Variants in MARCHF1 observed in about 807,000 individuals in gnomAD.
The protein encoded by MARCHF1 is E3 ubiquitin-protein ligase MARCHF1.
MARCHF1 carries 40 observed loss-of-function variants against 54.2 expected under a neutral mutation model. That is an observed-to-expected ratio of 0.74 (90% CI 0.57 to 0.96). The LOEUF is 0.96. MARCHF1 is among the 40% of genes least tolerant of loss of function. The probability of loss-of-function intolerance (pLI) is 0.00; values close to 1 mark genes in which losing one functional copy is unlikely to be tolerated. For missense variants in MARCHF1, 586 were observed against 656.5 expected, an observed-to-expected ratio of 0.89 and a Z score of 1.17; for synonymous variants, 236 against 236.3, an observed-to-expected ratio of 1.00 and a Z score of 0.01.
At chr4:164,360,564 G>C (rs1667869063) in intron 1 of MARCHF1, among the ~76,000 whole-genome samples, 1 of 152,052 alleles carries the variant, frequency 6.6e-6, no homozygotes, top group African/African-American at 2.4e-5. Context: ...AGTGTACATA[G>C]GCATCACCCA....
intron 2 of MARCHF1, among the ~76,000 whole-genome samples, chr4:164,051,596 T>C (rs1051503761): frequency 3.3e-5 from 5 of 152,268 alleles, no homozygotes; most frequent in Admixed American, 6.5e-5. Flanking sequence ...TTTGATGAGA[T>C]AGGTATTAAT....
intron 7 of MARCHF1, among the ~76,000 whole-genome samples, chr4:163,592,358 A>G (rs1740618870): frequency 6.6e-6 from 1 of 152,170 alleles, no homozygotes; most frequent in Non-Finnish European, 1.5e-5. Flanking sequence ...GTTTAATTTC[A>G]TGCCCTAATT....
intron 5 of MARCHF1, among the ~76,000 whole-genome samples, chr4:163,645,640 A>G (rs2111050203): frequency 1.3e-5 from 2 of 152,336 alleles, no homozygotes; most frequent in Middle Eastern, 6.8e-3. Flanking sequence ...CAATGCACGA[A>G]CACAATGAGA....
chr4:163,911,330 A>C (rs1445026760), intron 3 of MARCHF1, among the ~76,000 whole-genome samples: 1 of 152,158 alleles, frequency 6.6e-6, no homozygotes, highest in Non-Finnish European at 1.5e-5. Context: ...CACACGAAGC[A>C]CACTTTATGT....
chr4:163,972,072 A>G (rs1159189417), intron 3 of MARCHF1, among the ~76,000 whole-genome samples: 2 of 152,218 alleles, frequency 1.3e-5, no homozygotes, highest in African/African-American at 2.4e-5. Context: ...GCTGGAAACC[A>G]TCATTCTCAG....
chr4:163,862,763 C>T lies in MARCHF1; in HGVS notation c.-38-8594G>A, dbSNP rs566127187. Among the ~76,000 whole-genome samples, 60 of 152,170 alleles carry T rather than the reference C, an allele frequency of 3.9e-4. 1 individual carries two copies. In the South Asian group the frequency reaches 0.012, roughly 32 times the overall value. ...TTTATGTCTCATGAAAACATGCACA[C>T]ATATGCTTATAGGAGTTTTATTCAT... is the stretch of plus-strand genomic sequence containing the variant. On this transcript the variant is annotated intron_variant, in intron 3 of 9. Transcript: ENST00000514618.
At chr4:164,102,055 G>C (rs1755575421) in intron 2 of MARCHF1, among the ~76,000 whole-genome samples, 1 of 93,630 alleles carries the variant, frequency 1.1e-5, no homozygotes, top group Non-Finnish European at 2.2e-5. Context: ...GAGAAGGGAA[G>C]TTTAGAGAAA....
At chr4:163,680,810 A>T (rs958549811) in intron 5 of MARCHF1, among the ~76,000 whole-genome samples, 1 of 152,130 alleles carries the variant, frequency 6.6e-6, no homozygotes, top group African/African-American at 2.4e-5. Context: ...GACTTAAAAC[A>T]CTTTCACAAC....
chr4:163,679,294 T>G (rs1186948425), intron 5 of MARCHF1, among the ~76,000 whole-genome samples: 1 of 152,204 alleles, frequency 6.6e-6, no homozygotes, highest in East Asian at 1.9e-4. Flanking sequence ...TTGATTCTTT[T>G]CCAGAAGAAA....
chr4:164,356,355 TG>T (rs1453384652), intron 1 of MARCHF1, among the ~76,000 whole-genome samples: 97 of 142,038 alleles, frequency 6.8e-4, no homozygotes, highest in African/African-American at 2.4e-3. Context: ...AGAAAAGACT[TG>T]GAACCAACCC....
chr4:163,817,425 A>G (rs1748570290), intron 4 of MARCHF1, among the ~76,000 whole-genome samples: 1 of 147,698 alleles, frequency 6.8e-6, no homozygotes, highest in African/African-American at 2.5e-5. Flanking sequence ...GTATATATAG[A>G]CACACACACA....
At chr4:163,985,163 A>G (rs1433373030) in intron 3 of MARCHF1, among the ~76,000 whole-genome samples, 1 of 149,376 alleles carries the variant, frequency 6.7e-6, no homozygotes, top group African/African-American at 2.5e-5. Context: ...TAGCTTCATA[A>G]TGGACCAATA....
At chr4:164,251,476 G>A (rs1733122278) in intron 1 of MARCHF1, among the ~76,000 whole-genome samples, 1 of 152,120 alleles carries the variant, frequency 6.6e-6, no homozygotes, top group South Asian at 2.1e-4. Flanking sequence ...CAGCCCCACA[G>A]ATGCCAAATT....
At chr4:163,620,289 C>T (rs752971955) in intron 5 of MARCHF1, among the ~76,000 whole-genome samples, 9 of 142,798 alleles carry the variant, frequency 6.3e-5, no homozygotes, top group South Asian at 2.3e-4. Flanking sequence ...GGGGAAGCCA[C>T]GCGTTGCTAT....
At chr4:163,742,025 A>T (rs1221319156) in intron 4 of MARCHF1, among the ~76,000 whole-genome samples, 3 of 152,184 alleles carry the variant, frequency 2.0e-5, no homozygotes, top group Admixed American at 6.5e-5. Context: ...ATGCCTTACA[A>T]TGTGTAGAAT....
chr4:164,207,944 C>A (rs1455191790), intron 1 of MARCHF1, among the ~76,000 whole-genome samples: 1 of 151,956 alleles, frequency 6.6e-6, no homozygotes, highest in Non-Finnish European at 1.5e-5. Context: ...ATGTAACAAA[C>A]CTGCACATGT....
chr4:163,548,821 A>T (rs2110930200), intron 8 of MARCHF1, among the ~76,000 whole-genome samples: 1 of 152,354 alleles, frequency 6.6e-6, no homozygotes, highest in East Asian at 1.9e-4. Flanking sequence ...CCTTACTAAG[A>T]ATGAGAAATG....
intron 1 of MARCHF1, among the ~76,000 whole-genome samples, chr4:164,141,431 T>C (rs1006996090): frequency 1.1e-4 from 16 of 152,230 alleles, no homozygotes; most frequent in Non-Finnish European, 2.1e-4. Flanking sequence ...AACCTATTTA[T>C]AGACAATGTC....
chr4:163,840,198 C>T (rs752662411), intron 4 of MARCHF1, among the ~76,000 whole-genome samples: 1 of 151,968 alleles, frequency 6.6e-6, no homozygotes. Flanking sequence ...TTCTGAAATT[C>T]GTTGAAATCT....
Sources: allele counts gnomAD v4.1 joint callset (sites outside exome capture counted in the v4.1 genomes callset), GRCh38; gene constraint gnomAD v4.1.1; transcripts MANE v1.5; gene names NCBI Gene and HGNC (gene_info 2026-07-23, HGNC 2026-07-21).